BRDT: variants seen among roughly 807,000 people sequenced by gnomAD.
BRDT encodes the protein bromodomain testis associated.
A neutral mutation model predicts 113.9 loss-of-function variants in BRDT; 77 were observed. The ratio of observed to expected loss-of-function variants is 0.68; its 90% CI spans 0.56 to 0.82. The LOEUF (loss-of-function observed/expected upper bound fraction) is 0.82. Ranked by LOEUF, BRDT falls within the 40% of genes least tolerant of loss-of-function variation. The pLI is 0.00. For missense variants in BRDT, 1,027 were observed against 1,105.4 expected, an observed-to-expected ratio of 0.93 and a Z score of 1.01; for synonymous variants, 358 against 366.5, an observed-to-expected ratio of 0.98 and a Z score of 0.26.
chr1:91,951,964 G>A (rs1027755285), intron 1 of BRDT, among the ~76,000 whole-genome samples: 1 of 152,062 alleles, frequency 6.6e-6, no homozygotes, highest in East Asian at 1.9e-4. Context: ...TCAGAGGATC[G>A]CCTGAGTTCA....
chr1:91,963,521 T>TA (rs969868668), intron 2 of BRDT, among the ~76,000 whole-genome samples: 1 of 152,340 alleles, frequency 6.6e-6, no homozygotes, highest in Admixed American at 6.5e-5. Context: ...TCCTGAATTT[T>TA]ACCTTTTCTA....
chr1:91,994,637 C>T (rs981151959), intron 15 of BRDT, among the ~76,000 whole-genome samples: 7 of 151,938 alleles, frequency 4.6e-5, no homozygotes, highest in Admixed American at 2.0e-4. Context: ...GAGGCCGAGG[C>T]GGGCGGATCA....
intron 12 of BRDT, among the ~76,000 whole-genome samples, chr1:91,982,043 T>C (rs1356488492): frequency 2.0e-5 from 3 of 152,138 alleles, no homozygotes; most frequent in Non-Finnish European, 4.4e-5. Context: ...AATATCAAAA[T>C]ATATCAGATA....
At chr1:92,014,185 A>C (rs1570675910) in intron 18 of BRDT, 21 bp from the exon 19 acceptor site, 1 of 1,549,502 alleles carries the variant, frequency 6.5e-7, no homozygotes, top group East Asian at 2.3e-5. Flanking sequence ...GTAATATTAA[A>C]ATTTTCTGCT....
chr1:92,013,881 C>T (rs890240925), intron 18 of BRDT, among the ~76,000 whole-genome samples: 1 of 152,260 alleles, frequency 6.6e-6, no homozygotes, highest in African/African-American at 2.4e-5. Flanking sequence ...GTGCTCTCAG[C>T]GTTCATGTTC....
chr1:91,971,644 GA>G (rs1683635925), intron 4 of BRDT, among the ~76,000 whole-genome samples: 1 of 152,222 alleles, frequency 6.6e-6, no homozygotes. Context: ...TATTATCAGT[GA>G]ATAAAACAAA....
chr1:91,991,958 C>A (rs1455787864), intron 13 of BRDT, among the ~76,000 whole-genome samples: 1 of 123,580 alleles, frequency 8.1e-6, no homozygotes, highest in African/African-American at 3.0e-5. Flanking sequence ...TGCCACTGCA[C>A]TCCAGCCTGG....
intron 18 of BRDT, among the ~76,000 whole-genome samples, chr1:92,008,800 G>A (rs1274369752): frequency 5.3e-5 from 8 of 152,038 alleles, no homozygotes; most frequent in African/African-American, 9.7e-5. Flanking sequence ...AGCAATGTGC[G>A]TTTAAGGTTC....
At chr1:91,968,352 A>G in intron 4 of BRDT, 92 bp downstream of exon 4, 1 of 1,485,174 alleles carries the variant, frequency 6.7e-7, no homozygotes, top group South Asian at 1.3e-5. Flanking sequence ...GGAGACAGAC[A>G]TCCAGAAGTC....
At chr1:91,979,153 G>T (rs1176787304) in intron 7 of BRDT, among the ~76,000 whole-genome samples, 6 of 139,676 alleles carry the variant, frequency 4.3e-5, no homozygotes, top group Admixed American at 7.4e-5. Context: ...CGTTCTTGTT[G>T]CCCAGGCTGG....
chr1:92,006,769 TTTTTTA>T (rs1305113851), intron 18 of BRDT, among the ~76,000 whole-genome samples: 1 of 151,844 alleles, frequency 6.6e-6, no homozygotes, highest in Non-Finnish European at 1.5e-5. Context: ...GCCCAGCCTG[TTTTTTA>T]TTTTTATTTT....
At chr1:91,976,132 G>A (rs1304656810) in intron 4 of BRDT, 134 bp from the exon 5 acceptor site, 20 of 862,422 alleles carry the variant, frequency 2.3e-5, no homozygotes, top group East Asian at 1.5e-4. Context: ...TGTGTGTGTA[G>A]ATTTCAAAAT....
At chr1:92,002,217 G>A in intron 16 of BRDT, 68 bp downstream of exon 16, 1 of 1,127,840 alleles carries the variant, frequency 8.9e-7, no homozygotes, top group Non-Finnish European at 1.3e-6. Context: ...AGTGGTACAA[G>A]AGGTATTTAA....
intron 18 of BRDT, among the ~76,000 whole-genome samples, chr1:92,013,216 TC>T (rs1687960223): frequency 2.2e-5 from 1 of 46,342 alleles, no homozygotes; most frequent in African/African-American, 5.2e-5. Flanking sequence ...ACACAATGTT[TC>T]AAAAAAAAAA....
In BRDT at chr1:91,977,128, T is replaced by C; in HGVS notation, c.704T>C (p.Phe235Ser). Residue 235 changes from phenylalanine to serine, a missense_variant, in exon 6 of 19, where the codon TTC becomes TCC. Physicochemically the swap from Phe to Ser is radical, Grantham distance 155. Coordinates refer to ENST00000399546, the MANE Select transcript of BRDT (RefSeq NM_207189.4). ...GCAAGTAGTGAATTTTCTCCAACAT[T>C]CACAGAAAAATCAGTGGCACTGCCA... is the stretch of plus-strand genomic sequence containing the variant. ...VKASSEFSPT[F>S]TEKSVALPPI... 1 of 1,613,792 alleles carries C rather than the reference T, an allele frequency of 6.2e-7. No individual in the cohort carries two copies. Among genetic ancestry groups the C allele is most frequent in the Non-Finnish European group, 8.5e-7 (1 of 1,179,928 alleles).
At chr1:91,988,620 C>G (rs985643802) in intron 12 of BRDT, among the ~76,000 whole-genome samples, 4 of 152,022 alleles carry the variant, frequency 2.6e-5, no homozygotes, top group African/African-American at 9.7e-5. Context: ...AGGCTGGTCT[C>G]AAACTCCTGA....
chr1:91,963,788 CT>C (rs57708341), intron 2 of BRDT, among the ~76,000 whole-genome samples: 4,263 of 119,418 alleles, frequency 0.036, 117 homozygotes, highest in African/African-American at 0.08. Context: ...TCTTTATTGG[CT>C]TTTTTTTTTT....
rs1411959209 is a variant in BRDT, at chr1:91,979,739, T to C, written c.1269T>C (p.Leu423=). The change falls in exon 8 of 19, where the codon CTT becomes CTC. Residue 423 remains leucine (L), a synonymous_variant. Coordinates refer to ENST00000399546, the MANE Select transcript of BRDT (RefSeq NM_207189.4). The part of the protein sequence containing the change: ...DDSEDERVKR[L]AKLQEQLKAV... Reference sequence around the variant, plus strand: ...CTGAAGATGAGCGAGTTAAGCGTCTTGCAAAGCTTCAGGAGCAGGTAGTTG... The same window carrying C: ...CTGAAGATGAGCGAGTTAAGCGTCTCGCAAAGCTTCAGGAGCAGGTAGTTG... 1 of 1,607,816 alleles carries C rather than the reference T, an allele frequency of 6.2e-7. No individual in the cohort carries two copies. The highest frequency in any genetic ancestry group is 8.5e-7 in the Non-Finnish European group (1 of 1,178,424).
chr1:91,994,033 ACTT>A, intron 14 of BRDT, 47 bp from the exon 15 acceptor site: 1 of 1,440,022 alleles, frequency 6.9e-7, no homozygotes, highest in East Asian at 2.5e-5. Context: ...TCTTTGGTAT[ACTT>A]CTTGTATGGT....
Sources: allele counts gnomAD v4.1 joint callset (sites outside exome capture counted in the v4.1 genomes callset), GRCh38; gene constraint gnomAD v4.1.1; transcripts MANE v1.5; gene names NCBI Gene and HGNC (gene_info 2026-07-23, HGNC 2026-07-21).